The following TAPT1 variants were observed in gnomAD, a reference collection of about 807,000 sequenced individuals.
The protein encoded by TAPT1 is transmembrane anterior posterior transformation 1, also known as transmembrane anterior posterior transformation protein 1 homolog.
TAPT1 carries 28 observed loss-of-function variants against 65.6 expected under a neutral mutation model. The observed-to-expected ratio is 0.43, with a 90% CI of 0.32 to 0.59. TAPT1 has a LOEUF of 0.59. Ranked by LOEUF, TAPT1 falls within the 20% of genes least tolerant of loss-of-function variation. The pLI is 0.09. For synonymous variants in TAPT1, 278 were observed against 245.2 expected, an observed-to-expected ratio of 1.13 and a Z score of -1.25; for missense variants, 563 against 679.9, an observed-to-expected ratio of 0.83 and a Z score of 1.91.
At chr4:16,198,353 T>C (rs1749837676) in intron 3 of TAPT1, among the ~76,000 whole-genome samples, 1 of 152,094 alleles carries the variant, frequency 6.6e-6, no homozygotes, top group African/African-American at 2.4e-5. Flanking sequence ...TGATCTCAAA[T>C]ATAAAAAGAA....
chr4:16,208,888 G>A (rs1183650262), intron 2 of TAPT1, among the ~76,000 whole-genome samples: 7 of 151,988 alleles, frequency 4.6e-5, no homozygotes, highest in African/African-American at 9.7e-5. Context: ...TTTTGAGATA[G>A]GGTCTCACTC....
At chr4:16,215,155 C>G (rs1206071575) in intron 1 of TAPT1, among the ~76,000 whole-genome samples, 1 of 151,904 alleles carries the variant, frequency 6.6e-6, no homozygotes, top group Non-Finnish European at 1.5e-5. Context: ...GCCGGGCGTG[C>G]CGGTGGGCGC....
chr4:16,198,571 A>C (rs78264664), intron 3 of TAPT1, among the ~76,000 whole-genome samples: 2,875 of 151,788 alleles, frequency 0.019, 93 homozygotes, highest in African/African-American at 0.065. Flanking sequence ...GAAAAAAAAA[A>C]ATTATTTAAA....
At chr4:16,216,986 G>C (rs942746109) in intron 1 of TAPT1, among the ~76,000 whole-genome samples, 2 of 152,132 alleles carry the variant, frequency 1.3e-5, no homozygotes, top group Non-Finnish European at 2.9e-5. Flanking sequence ...TGCCTCCCCT[G>C]AATCTCTAGG....
intron 9 of TAPT1, among the ~76,000 whole-genome samples, chr4:16,175,881 T>C (rs1253292957): frequency 6.6e-6 from 1 of 152,204 alleles, no homozygotes. Context: ...CAGAATGATT[T>C]TGAGTTAGTG....
intron 1 of TAPT1, among the ~76,000 whole-genome samples, chr4:16,222,921 T>C (rs1751338857): frequency 6.6e-6 from 1 of 152,202 alleles, no homozygotes; most frequent in Non-Finnish European, 1.5e-5. Context: ...TATACCCGAC[T>C]TCAGGCTTTC....
At chr4:16,182,063 A>G (rs902238237) in intron 7 of TAPT1, among the ~76,000 whole-genome samples, 1 of 152,226 alleles carries the variant, frequency 6.6e-6, no homozygotes. Flanking sequence ...ATATCTAACT[A>G]TAAAAATGAG....
intron 5 of TAPT1, among the ~76,000 whole-genome samples, chr4:16,187,580 A>C (rs764324650): frequency 3.3e-5 from 5 of 152,026 alleles, no homozygotes; most frequent in Non-Finnish European, 5.9e-5. Context: ...AATTTCTTTC[A>C]AGTGTCACTG....
At chr4:16,205,741 T>C (rs1043162061) in intron 2 of TAPT1, among the ~76,000 whole-genome samples, 2 of 151,410 alleles carry the variant, frequency 1.3e-5, no homozygotes, top group African/African-American at 2.4e-5. Context: ...GGAAAGAGCA[T>C]GCACAGGTAC....
chr4:16,169,843 T>C (rs77916735), intron 12 of TAPT1, among the ~76,000 whole-genome samples: 2,355 of 152,280 alleles, frequency 0.015, 72 homozygotes, highest in African/African-American at 0.054. Context: ...AAAAATACCA[T>C]GAAACTGGAA....
At chr4:16,222,963 T>A (rs1025138356) in intron 1 of TAPT1, among the ~76,000 whole-genome samples, 3 of 152,170 alleles carry the variant, frequency 2.0e-5, no homozygotes, top group Non-Finnish European at 4.4e-5. Context: ...TCCCCATGCA[T>A]CTCCAACACC....
chr4:16,173,073 C>T (rs954885703), intron 11 of TAPT1, among the ~76,000 whole-genome samples: 3 of 152,168 alleles, frequency 2.0e-5, no homozygotes, highest in Non-Finnish European at 2.9e-5. Context: ...ATCCACCTGC[C>T]TTAGCTTCCC....
In TAPT1 at chr4:16,217,999, G is replaced by A. The variant is rs548645790; in HGVS notation, c.200-4101C>T. On this transcript the variant is annotated intron_variant, in intron 1 of 13. Coordinates refer to ENST00000405303, the MANE Select transcript of TAPT1 (RefSeq NM_153365.3). ...AGGAGATCCTCATTGTCCACACTAA[G>A]TGCAAGGAAAGAAATTACGCAGCCC... 9.2e-5 allele frequency among the ~76,000 whole-genome samples: 14 copies of A among 152,350 alleles called. 1 individual carries two copies. In the South Asian group the frequency reaches 2.7e-3, roughly 29 times the overall value.
intron 4 of TAPT1, chr4:16,191,004 A>T (rs1749341747): frequency 5.4e-6 from 1 of 184,176 alleles, no homozygotes; most frequent in Admixed American, 5.9e-5. Context: ...TAATTTCCCT[A>T]GCACTTGACA....
intron 2 of TAPT1, among the ~76,000 whole-genome samples, chr4:16,203,808 T>C (rs1021574570): frequency 1.3e-5 from 2 of 152,234 alleles, no homozygotes; most frequent in African/African-American, 4.8e-5. Flanking sequence ...CAAATTCACA[T>C]GTCTTTAAAT....
At chr4:16,188,473 C>T in intron 4 of TAPT1, 118 bp from the exon 5 acceptor site, 1 of 757,190 alleles carries the variant, frequency 1.3e-6, no homozygotes, top group Non-Finnish European at 2.0e-6. Context: ...AGAAGGCAAG[C>T]TAAAGAGGAG....
intron 3 of TAPT1, among the ~76,000 whole-genome samples, chr4:16,201,736 T>C (rs1180152308): frequency 2.0e-5 from 3 of 152,092 alleles, no homozygotes; most frequent in Admixed American, 2.0e-4. Flanking sequence ...TCTGGTCTAC[T>C]ATGAGCCAGG....
chr4:16,163,777 CA>C (rs2149661017), intron 13 of TAPT1, among the ~76,000 whole-genome samples: 1 of 152,334 alleles, frequency 6.6e-6, no homozygotes, highest in East Asian at 1.9e-4. Context: ...ATCACACAAA[CA>C]ATGCCATCAC....
intron 1 of TAPT1, among the ~76,000 whole-genome samples, chr4:16,224,340 T>TG (rs1230445488): frequency 6.6e-6 from 1 of 152,066 alleles, no homozygotes; most frequent in Non-Finnish European, 1.5e-5. Flanking sequence ...TTGTTTCTAG[T>TG]GGGGAAACCT....
Sources: allele counts gnomAD v4.1 joint callset (sites outside exome capture counted in the v4.1 genomes callset), GRCh38; gene constraint gnomAD v4.1.1; transcripts MANE v1.5; gene names NCBI Gene and HGNC (gene_info 2026-07-23, HGNC 2026-07-21).